The following KCTD16 variants were observed in gnomAD, a reference collection of about 807,000 sequenced individuals.
The protein encoded by KCTD16 is BTB/POZ domain-containing protein KCTD16.
A neutral mutation model predicts 33.2 loss-of-function variants in KCTD16; 13 were observed. That is an observed-to-expected ratio of 0.39 (90% CI 0.25 to 0.62). The LOEUF is 0.62. Among genes scored for constraint, KCTD16 ranks in the 20% least tolerant of loss-of-function variants. The pLI is 0.50. For synonymous variants in KCTD16, 197 were observed against 195.3 expected (o/e 1.01, Z -0.07); for missense variants, 441 against 525.1 (o/e 0.84, Z 1.57).
intron 2 of KCTD16, among the ~76,000 whole-genome samples, chr5:144,182,025 C>T (rs974048030): frequency 4.7e-5 from 7 of 149,240 alleles, no homozygotes; most frequent in Non-Finnish European, 1.0e-4. Flanking sequence ...GTGGAGGTTG[C>T]AGTGAGCTGA....
intron 3 of KCTD16, among the ~76,000 whole-genome samples, chr5:144,457,074 A>G (rs778955677): frequency 6.6e-6 from 1 of 152,252 alleles, no homozygotes; most frequent in Non-Finnish European, 1.5e-5. Flanking sequence ...GTAATGGAGA[A>G]GTGATAATCC....
intron 3 of KCTD16, among the ~76,000 whole-genome samples, chr5:144,417,775 T>C (rs949113846): frequency 2.6e-5 from 4 of 152,180 alleles, no homozygotes; most frequent in Non-Finnish European, 5.9e-5. Flanking sequence ...TTTGGGTCTA[T>C]GTTGTAAAGT....
intron 3 of KCTD16, among the ~76,000 whole-genome samples, chr5:144,346,390 A>T (rs1382140289): frequency 6.6e-6 from 1 of 152,076 alleles, no homozygotes; most frequent in Admixed American, 6.6e-5. Context: ...TGATTGCTGG[A>T]TCATATGATA....
chr5:144,473,456 T>C (rs916653776), intron 3 of KCTD16, among the ~76,000 whole-genome samples: 1 of 152,170 alleles, frequency 6.6e-6, no homozygotes, highest in African/African-American at 2.4e-5. Context: ...TTATATAGCA[T>C]GCCATCATTA....
chr5:144,366,691 T>G (rs910608234), intron 3 of KCTD16, among the ~76,000 whole-genome samples: 2 of 152,090 alleles, frequency 1.3e-5, no homozygotes, highest in African/African-American at 4.8e-5. Flanking sequence ...AAAACAATAC[T>G]GCTATCCTAG....
chr5:144,339,482 T>C (rs141386548), intron 3 of KCTD16, among the ~76,000 whole-genome samples: 2 of 152,338 alleles, frequency 1.3e-5, no homozygotes, highest in Non-Finnish European at 2.9e-5. Flanking sequence ...CTTTCATTTA[T>C]GAACTCAATG....
At chr5:144,193,426 G>A (rs1027598506) in intron 2 of KCTD16, among the ~76,000 whole-genome samples, 1 of 151,944 alleles carries the variant, frequency 6.6e-6, no homozygotes, top group Non-Finnish European at 1.5e-5. Flanking sequence ...CATTCCACCT[G>A]CCTAGAGCAC....
At chr5:144,446,559 A>G (rs1753821547) in intron 3 of KCTD16, among the ~76,000 whole-genome samples, 1 of 152,174 alleles carries the variant, frequency 6.6e-6, no homozygotes, top group African/African-American at 2.4e-5. Flanking sequence ...GACAAATGAG[A>G]TCTAATTAAA....
At chr5:144,357,216 G>A (rs374013068) in intron 3 of KCTD16, among the ~76,000 whole-genome samples, 1 of 152,182 alleles carries the variant, frequency 6.6e-6, no homozygotes, top group Admixed American at 6.6e-5. Context: ...TTTTCAGGGT[G>A]TTCCCTGCTT....
At chr5:144,448,483 C>G (rs1221535416) in intron 3 of KCTD16, among the ~76,000 whole-genome samples, 1 of 152,008 alleles carries the variant, frequency 6.6e-6, no homozygotes, top group Non-Finnish European at 1.5e-5. Context: ...ACCAGGACCT[C>G]TACAGCATGT....
chr5:144,465,189 CTCTCTCTCT>C (rs1561618176), intron 3 of KCTD16, among the ~76,000 whole-genome samples: 1 of 113,182 alleles, frequency 8.8e-6, no homozygotes, highest in Non-Finnish European at 1.8e-5. Flanking sequence ...TCTCCCCCCC[CTCTCTCTCT>C]CACTCTCTCT....
At chr5:144,371,606 A>G (rs937393232) in intron 3 of KCTD16, among the ~76,000 whole-genome samples, 5 of 152,310 alleles carry the variant, frequency 3.3e-5, no homozygotes, top group Admixed American at 3.3e-4. Context: ...TATATCACTA[A>G]GTAGAAATGA....
intron 3 of KCTD16, among the ~76,000 whole-genome samples, chr5:144,342,308 T>G (rs1752668981): frequency 6.6e-6 from 1 of 152,218 alleles, no homozygotes; most frequent in Admixed American, 6.5e-5. Flanking sequence ...GTAAGTTGGA[T>G]TCCTAGGAAT....
chr5:144,206,567 T>TG lies in KCTD16; in HGVS notation c.-143dup, dbSNP rs1276706910. On this transcript the variant is annotated 5_prime_UTR_variant, in exon 3 of 4. Coordinates refer to ENST00000512467, the MANE Select transcript of KCTD16 (RefSeq NM_020768.4). ...TGGACTCTTATACATTTTGATTTCT[T>TG]GGGGGAAAAATACTGGGATAAGAGG... 1.5e-6 allele frequency: 1 copy of TG among 683,558 alleles called. No homozygotes were observed. Among genetic ancestry groups the TG allele is most frequent in the African/African-American group, 1.8e-5 (1 of 55,306 alleles). The allele number at this position is 683,558 out of a possible 1,614,324, so 42.3% of individuals were successfully genotyped here.
chr5:144,400,788 T>C (rs1391484393), intron 3 of KCTD16, among the ~76,000 whole-genome samples: 1 of 152,128 alleles, frequency 6.6e-6, no homozygotes, highest in Admixed American at 6.6e-5. Context: ...TAAGAACTGG[T>C]TGGCAAATTC....
intron 3 of KCTD16, among the ~76,000 whole-genome samples, chr5:144,462,568 T>TA (rs11285229): frequency 1.6e-3 from 217 of 138,716 alleles, no homozygotes; most frequent in Middle Eastern, 3.7e-3. Flanking sequence ...TTTGGTTTCT[T>TA]AAAAAAAAAA....
At chr5:144,334,071 A>G (rs1314753820) in intron 3 of KCTD16, among the ~76,000 whole-genome samples, 1 of 152,206 alleles carries the variant, frequency 6.6e-6, no homozygotes, top group Admixed American at 6.6e-5. Flanking sequence ...TGCCTTAGAA[A>G]GCTACTCACA....
intron 3 of KCTD16, among the ~76,000 whole-genome samples, chr5:144,310,602 ATAT>A (rs898532402): frequency 1.3e-4 from 19 of 151,660 alleles, no homozygotes; most frequent in African/African-American, 2.7e-4. Flanking sequence ...TGATATATAT[ATAT>A]TTTTTGATCA....
chr5:144,420,755 T>C (rs1211862337), intron 3 of KCTD16, among the ~76,000 whole-genome samples: 1 of 152,114 alleles, frequency 6.6e-6, no homozygotes, highest in Non-Finnish European at 1.5e-5. Context: ...AATACCTGTC[T>C]GTAAGCCTCA....
Sources: allele counts gnomAD v4.1 joint callset (sites outside exome capture counted in the v4.1 genomes callset), GRCh38; gene constraint gnomAD v4.1.1; transcripts MANE v1.5; gene names NCBI Gene and HGNC (gene_info 2026-07-23, HGNC 2026-07-21).